PTPN21: variants seen among roughly 807,000 people sequenced by gnomAD.
The protein encoded by PTPN21 is tyrosine-protein phosphatase non-receptor type 21.
PTPN21 carries 77 observed loss-of-function variants against 131.8 expected under a neutral mutation model. The ratio of observed to expected loss-of-function variants is 0.58; its 90% CI spans 0.49 to 0.71. The LOEUF (loss-of-function observed/expected upper bound fraction) is 0.71, where lower values mean the gene tolerates loss of function less well. Among genes scored for constraint, PTPN21 ranks in the 30% least tolerant of loss-of-function variants. PTPN21 has a pLI of 0.00. For missense variants in PTPN21, 1,552 were observed against 1,527.1 expected (o/e 1.02, Z -0.27); for synonymous variants, 715 against 621.3 (o/e 1.15, Z -2.24).
chr14:88,518,347 T>TATAC (rs2078322605), intron 2 of PTPN21, among the ~76,000 whole-genome samples: 1 of 103,796 alleles, frequency 9.6e-6, no homozygotes, highest in African/African-American at 3.4e-5. Flanking sequence ...TGTGTATAAG[T>TATAC]GTATATATAC....
At chr14:88,477,019 A>G (rs1017460091) in intron 13 of PTPN21, among the ~76,000 whole-genome samples, 1 of 152,140 alleles carries the variant, frequency 6.6e-6, no homozygotes, top group Non-Finnish European at 1.5e-5. Context: ...TGAGTCACAC[A>G]TAAAAACAGA....
Position 88,470,049 on chromosome 14 carries a change from A to G in PTPN21, c.2873T>C (p.Val958Ala). Residue 958 changes from valine (V) to alanine (A), a missense_variant and splice_region_variant, in exon 16 of 19, where the codon GTC becomes GCC. By Grantham distance (64) the Val-to-Ala change is moderately conservative. Around this residue, in one of 4 missense-constraint regions of PTPN21, gnomAD observed 316 missense variants for 378.5 expected, o/e 0.83. Transcript: ENST00000556564. ...TGYINASHIK[V>A]SVSGIEWDYI... ...ATCCCATTCGATTCCACTGACAGAG[A>G]CCTGGGATTAGAAAAGGTTAAAAAA... 1 of 1,612,502 alleles carries G rather than the reference A, an allele frequency of 6.2e-7. No homozygotes were observed. Among genetic ancestry groups the G allele is most frequent in the Middle Eastern group, 1.6e-4 (1 of 6,062 alleles).
intron 10 of PTPN21, 99 bp from the exon 11 acceptor site, chr14:88,485,941 C>CAA: frequency 4.2e-6 from 3 of 708,012 alleles, no homozygotes; most frequent in Non-Finnish European, 6.8e-6. Flanking sequence ...TCTTCTCAGG[C>CAA]AAAAAAAAAG....
chr14:88,534,733 G>C (rs993218827), intron 2 of PTPN21, among the ~76,000 whole-genome samples: 1 of 152,074 alleles, frequency 6.6e-6, no homozygotes, highest in Non-Finnish European at 1.5e-5. Flanking sequence ...AATTAGCCAG[G>C]TGTGGTGGTG....
Position 88,479,901 on chromosome 14 carries a change from G to T in PTPN21, c.1530C>A (p.Cys510Ter). ...AQLPSPAAAH[C>*]PFSLSYSFHS... ...GGAAGCTGTAGCTCAGGCTGAACGG[G>T]CAGTGTGCGGCCGCTGGCGAGGGGA... Residue 510 changes from cysteine to a stop codon, truncating the protein, a stop_gained, in exon 13 of 19, where the codon TGC becomes TGA. Coordinates refer to ENST00000556564, the MANE Select transcript of PTPN21 (RefSeq NM_007039.4). LOFTEE classifies it high-confidence loss of function. The T allele has an allele frequency of 1.9e-6, 3 of 1,596,698 alleles. No homozygotes were observed. The South Asian group carries it at 3.3e-5, about 18-fold the overall frequency.
chr14:88,496,529 A>G, intron 9 of PTPN21, 37 bp from the exon 10 acceptor site: 1 of 1,460,494 alleles, frequency 6.8e-7, no homozygotes, highest in African/African-American at 1.4e-5. Context: ...ATATGAAAGC[A>G]CACATACAAC....
rs183169514 is a variant in PTPN21 at position 88,478,866 on chromosome 14, C to T, written c.2511+54G>A. ...CACGGGACGTGATGAGTGAAAGAAG[C>T]GCCAGGGCGAACGCGCGGTCCCCTG... On this transcript the variant is annotated intron_variant, in intron 13 of 18. Coordinates refer to ENST00000556564, the MANE Select transcript of PTPN21 (RefSeq NM_007039.4). 1,599 of 1,249,756 alleles carry T rather than the reference C, an allele frequency of 1.3e-3. 19 individuals carry two copies. In the African/African-American group the frequency reaches 0.021, roughly 16 times the overall value. 77.4% of individuals were successfully genotyped at this position (1,249,756 alleles called of 1,614,324 possible).
chr14:88,526,547 CAAAAAAA>C (rs10587204), intron 2 of PTPN21, among the ~76,000 whole-genome samples: 1 of 56,912 alleles, frequency 1.8e-5, no homozygotes, highest in Non-Finnish European at 2.8e-5. Flanking sequence ...GAGATGATCT[CAAAAAAA>C]AAAAAAAAAA....
At chr14:88,550,708 A>T in intron 1 of PTPN21, 89 bp from the exon 2 acceptor site, 2 of 287,970 alleles carry the variant, frequency 6.9e-6, no homozygotes, top group Non-Finnish European at 1.3e-5. Context: ...TGGCCAAAGA[A>T]CAAGCCGTCC....
rs1427924829 is a variant in PTPN21, at chr14:88,550,465, C to A, written c.-48G>T. On this transcript the variant is annotated 5_prime_UTR_variant, in exon 2 of 19. Transcript: ENST00000556564. ...AGGAGCAAAGAGGGAAAAGCTACCCCCACCAACCCAGCGCTGGTGACGCCA... is the reference window on the plus strand; with the variant it reads ...AGGAGCAAAGAGGGAAAAGCTACCCACACCAACCCAGCGCTGGTGACGCCA... The A allele has an allele frequency of 1.3e-5, 21 of 1,559,166 alleles. 1 individual carries two copies. In the Middle Eastern group the frequency reaches 5.1e-4, roughly 38 times the overall value.
chr14:88,469,000 C>A lies in PTPN21; in HGVS notation c.3312G>T (p.Leu1104Phe), dbSNP rs1412093366. 4.3e-6 allele frequency: 7 copies of A among 1,614,184 alleles called. No individual in the cohort carries two copies. The highest frequency in any genetic ancestry group is 1.6e-4 in the Middle Eastern group (1 of 6,062). ...CTACCCCAGCACTGCAGTGGACCAA[C>A]AACGGAGGGTTGGGGCTTTGGGGAT... ...TSDPQSPNPP[L>F]LVHCSAGVGR... is the part of the protein sequence containing the mutation. The change falls in exon 18 of 19, where the codon TTG (leucine) becomes TTT (phenylalanine). Residue 1104 changes from leucine to phenylalanine, a missense_variant. Transcript: ENST00000556564.
intron 2 of PTPN21, 134 bp downstream of exon 2, chr14:88,550,104 G>C (rs756793253): frequency 3.1e-4 from 273 of 887,464 alleles, no homozygotes; most frequent in Non-Finnish European, 4.5e-4. Context: ...AGTAGAGACA[G>C]GGTTTCACCA....
At chr14:88,495,348 G>T (rs140940359) in intron 10 of PTPN21, among the ~76,000 whole-genome samples, 1 of 152,118 alleles carries the variant, frequency 6.6e-6, no homozygotes, top group African/African-American at 2.4e-5. Flanking sequence ...AAATGCTTGC[G>T]GTAGGATGCA....
chr14:88,470,144 T>C (rs1447804651), intron 15 of PTPN21, 94 bp from the exon 16 acceptor site: 66 of 1,222,262 alleles, frequency 5.4e-5, no homozygotes, highest in Non-Finnish European at 7.4e-5. Context: ...AAAGTTTTTT[T>C]AAAAAAGTAA....
At chr14:88,520,773 T>C (rs1242864362) in intron 2 of PTPN21, among the ~76,000 whole-genome samples, 2 of 152,180 alleles carry the variant, frequency 1.3e-5, no homozygotes. Flanking sequence ...TAAAGTAATA[T>C]CTCCCTCACA....
At chr14:88,514,394 T>C (rs1269339978) in intron 3 of PTPN21, among the ~76,000 whole-genome samples, 1 of 152,186 alleles carries the variant, frequency 6.6e-6, no homozygotes, top group Non-Finnish European at 1.5e-5. Context: ...TTTATGGTCA[T>C]ATTTTTCTGT....
intron 2 of PTPN21, among the ~76,000 whole-genome samples, chr14:88,530,643 T>C (rs971116224): frequency 2.0e-5 from 3 of 152,110 alleles, no homozygotes; most frequent in Non-Finnish European, 4.4e-5. Context: ...GTTATTCTTA[T>C]ATTGGGCGAA....
At chr14:88,505,214 G>A in intron 5 of PTPN21, 90 bp downstream of exon 5, 1 of 1,059,564 alleles carries the variant, frequency 9.4e-7, no homozygotes, top group Non-Finnish European at 1.4e-6. Context: ...CTGACAGTAA[G>A]TCTATCATAC....
At chr14:88,511,861 T>C (rs185781798) in intron 3 of PTPN21, among the ~76,000 whole-genome samples, 2 of 152,324 alleles carry the variant, frequency 1.3e-5, no homozygotes, top group East Asian at 3.9e-4. Flanking sequence ...AACTTTCCAA[T>C]ATAAAATATT....
Sources: allele counts gnomAD v4.1 joint callset (sites outside exome capture counted in the v4.1 genomes callset), GRCh38; gene constraint gnomAD v4.1.1; regional missense constraint gnomAD v4.1.1; transcripts MANE v1.5; gene names NCBI Gene and HGNC (gene_info 2026-07-23, HGNC 2026-07-21).